The following NCAM2 variants were observed in gnomAD, a reference collection of about 807,000 sequenced individuals.
NCAM2 encodes neural cell adhesion molecule 2, also known as N-CAM-2.
A neutral mutation model predicts 98.1 loss-of-function variants in NCAM2; 30 were observed. That is an observed-to-expected ratio of 0.31 (90% CI 0.23 to 0.41). The LOEUF (loss-of-function observed/expected upper bound fraction) is 0.41, where lower values mean the gene tolerates loss of function less well. Among genes scored for constraint, NCAM2 ranks in the 10% least tolerant of loss-of-function variants. NCAM2 has a pLI of 1.00. For missense variants in NCAM2, 867 were observed against 1,005.8 expected, an observed-to-expected ratio of 0.86 and a Z score of 1.87; for synonymous variants, 368 against 342.4, an observed-to-expected ratio of 1.07 and a Z score of -0.83.
intron 1 of NCAM2, among the ~76,000 whole-genome samples, chr21:21,023,965 C>T (rs2064489658): frequency 6.6e-6 from 1 of 152,104 alleles, no homozygotes; most frequent in African/African-American, 2.4e-5. Context: ...TTTGTCAAAT[C>T]CTAGCTTTGT....
chr21:21,326,684 T>C (rs2074519733), intron 6 of NCAM2, among the ~76,000 whole-genome samples: 1 of 152,148 alleles, frequency 6.6e-6, no homozygotes, highest in South Asian at 2.1e-4. Context: ...AATTTATATT[T>C]TTTCTTCTCC....
intron 1 of NCAM2, among the ~76,000 whole-genome samples, chr21:21,193,849 TTG>T (rs1372776024): frequency 6.6e-6 from 1 of 152,120 alleles, no homozygotes; most frequent in Non-Finnish European, 1.5e-5. Context: ...TCCCAACATA[TTG>T]TTATTCTTGC....
chr21:21,259,788 A>G (rs1366242900), intron 1 of NCAM2, among the ~76,000 whole-genome samples: 1 of 152,108 alleles, frequency 6.6e-6, no homozygotes, highest in South Asian at 2.1e-4. Context: ...CAAAACACTC[A>G]TTACAGAGCC....
chr21:21,144,350 G>GAA, intron 1 of NCAM2, among the ~76,000 whole-genome samples: 1 of 145,246 alleles, frequency 6.9e-6, no homozygotes, highest in South Asian at 2.2e-4. Context: ...ATCTCAAAAA[G>GAA]AAAAAAAAAA....
At chr21:21,210,862 G>A (rs1601655827) in intron 1 of NCAM2, among the ~76,000 whole-genome samples, 1 of 151,974 alleles carries the variant, frequency 6.6e-6, no homozygotes, top group African/African-American at 2.4e-5. Context: ...GTAAGGCAGA[G>A]GAGGGGGAGA....
At chr21:21,197,369 A>T (rs1002089005) in intron 1 of NCAM2, among the ~76,000 whole-genome samples, 4 of 152,114 alleles carry the variant, frequency 2.6e-5, no homozygotes, top group African/African-American at 9.7e-5. Context: ...GCCTCAAGTG[A>T]TCTGCCCACC....
chr21:21,145,979 GC>G (rs1419760796), intron 1 of NCAM2, among the ~76,000 whole-genome samples: 2 of 152,112 alleles, frequency 1.3e-5, no homozygotes, highest in African/African-American at 4.8e-5. Flanking sequence ...CACATAGACA[GC>G]AAAAATGGCA....
At chr21:21,154,610 A>T (rs141464484) in intron 1 of NCAM2, among the ~76,000 whole-genome samples, 3 of 151,880 alleles carry the variant, frequency 2.0e-5, no homozygotes, top group East Asian at 1.9e-4. Flanking sequence ...ACATGAGTGG[A>T]TAGGTACATG....
At chr21:21,097,251 T>C (rs2066143434) in intron 1 of NCAM2, among the ~76,000 whole-genome samples, 1 of 151,858 alleles carries the variant, frequency 6.6e-6, no homozygotes. Context: ...GATAAGCATC[T>C]GTTATTTACA....
intron 1 of NCAM2, among the ~76,000 whole-genome samples, chr21:21,180,311 A>T (rs1266416232): frequency 2.0e-5 from 3 of 152,178 alleles, no homozygotes; most frequent in African/African-American, 7.2e-5. Flanking sequence ...TTCTATTTAG[A>T]TATTTTACCC....
At chr21:21,021,767 G>A (rs753816086) in intron 1 of NCAM2, among the ~76,000 whole-genome samples, 7 of 151,932 alleles carry the variant, frequency 4.6e-5, no homozygotes, top group Non-Finnish European at 8.8e-5. Context: ...TCTTATGAAC[G>A]ACTAGTACAA....
intron 11 of NCAM2, among the ~76,000 whole-genome samples, chr21:21,429,548 G>A (rs914622411): frequency 7.9e-5 from 12 of 152,138 alleles, no homozygotes; most frequent in Non-Finnish European, 1.0e-4. Context: ...AAGGGGATCC[G>A]TGTGCATTTG....
intron 1 of NCAM2, among the ~76,000 whole-genome samples, chr21:21,263,701 C>A (rs752733804): frequency 2.0e-5 from 3 of 151,998 alleles, no homozygotes; most frequent in Non-Finnish European, 4.4e-5. Flanking sequence ...AAAAATATAG[C>A]CACACACCTA....
intron 16 of NCAM2, among the ~76,000 whole-genome samples, chr21:21,530,199 TTA>T (rs1989569265): frequency 2.5e-5 from 2 of 81,370 alleles, no homozygotes; most frequent in Non-Finnish European, 5.6e-5. Context: ...TTTAATTTAA[TTA>T]TATATAATTT....
intron 15 of NCAM2, among the ~76,000 whole-genome samples, chr21:21,482,021 C>G (rs1425402113): frequency 6.6e-6 from 1 of 151,944 alleles, no homozygotes; most frequent in Non-Finnish European, 1.5e-5. Flanking sequence ...TTGCTTGAAC[C>G]CGGGAGTTGG....
chr21:21,452,825 T>C (rs1328381215), intron 12 of NCAM2, among the ~76,000 whole-genome samples: 2 of 104,546 alleles, frequency 1.9e-5, no homozygotes, highest in African/African-American at 7.9e-5. Context: ...TATTATATAA[T>C]ATATATAATA....
chr21:21,093,435 C>T (rs189594858), intron 1 of NCAM2, among the ~76,000 whole-genome samples: 7 of 152,158 alleles, frequency 4.6e-5, no homozygotes, highest in Admixed American at 2.0e-4. Flanking sequence ...TCCATTCATC[C>T]GTTGTCCAAA....
chr21:21,021,544 C>T (rs9305990), intron 1 of NCAM2, among the ~76,000 whole-genome samples: 85,900 of 151,960 alleles, frequency 0.57, 24,619 homozygotes, highest in East Asian at 0.78. Context: ...ATTGAGTCAA[C>T]GGTGATTGTT....
chr21:21,284,167 A>G, intron 2 of NCAM2, 27 bp from the exon 3 acceptor site: 1 of 1,558,752 alleles, frequency 6.4e-7, no homozygotes, highest in Non-Finnish European at 8.8e-7. Context: ...CAATTTTCAA[A>G]CCTTTATTTT....
Sources: allele counts gnomAD v4.1 joint callset (sites outside exome capture counted in the v4.1 genomes callset), GRCh38; gene constraint gnomAD v4.1.1; transcripts MANE v1.5; gene names NCBI Gene and HGNC (gene_info 2026-07-23, HGNC 2026-07-21).